The following GRID2 variants were observed in gnomAD, a reference collection of about 807,000 sequenced individuals.
The protein encoded by GRID2 is glutamate receptor ionotropic, delta-2.
In GRID2, 33 loss-of-function variants were observed where a neutral mutation model predicts 114.8. The observed-to-expected ratio is 0.29, with a 90% CI of 0.22 to 0.38. GRID2 has a LOEUF of 0.38. GRID2 is among the 10% of genes least tolerant of loss of function. GRID2 has a pLI of 1.00. For missense variants in GRID2, 1,184 were observed against 1,257.7 expected, an observed-to-expected ratio of 0.94 and a Z score of 0.89; for synonymous variants, 505 against 449.9, an observed-to-expected ratio of 1.12 and a Z score of -1.55.
chr4:93,201,771 T>C (rs905807679), intron 4 of GRID2, among the ~76,000 whole-genome samples: 2 of 152,210 alleles, frequency 1.3e-5, no homozygotes, highest in Middle Eastern at 6.3e-3. Flanking sequence ...GGTTGTGTTA[T>C]ATTTAGCACA....
At chr4:92,895,928 T>G (rs1412797601) in intron 2 of GRID2, among the ~76,000 whole-genome samples, 1 of 152,184 alleles carries the variant, frequency 6.6e-6, no homozygotes, top group Non-Finnish European at 1.5e-5. Context: ...TTCAAAGTAA[T>G]TATACAACTC....
intron 10 of GRID2, among the ~76,000 whole-genome samples, chr4:93,430,560 G>A (rs1330073985): frequency 3.3e-5 from 5 of 152,242 alleles, no homozygotes; most frequent in African/African-American, 9.6e-5. Flanking sequence ...GGATGCAAGT[G>A]TGAATAAGAC....
intron 8 of GRID2, among the ~76,000 whole-genome samples, chr4:93,370,092 A>G (rs932058362): frequency 6.6e-6 from 1 of 152,014 alleles, no homozygotes; most frequent in Non-Finnish European, 1.5e-5. Context: ...CCTTAGGTTA[A>G]GCCCAATTTA....
chr4:93,423,809 C>T lies in GRID2; in HGVS notation c.1545+841C>T, dbSNP rs142765106. Reference sequence around the variant, plus strand: ...GGCACATAGACATTTATAATTATTACATTTTCCTGATAAATTATTGAATAG... The same window carrying T: ...GGCACATAGACATTTATAATTATTATATTTTCCTGATAAATTATTGAATAG... On this transcript the variant is annotated intron_variant, in intron 10 of 15. Transcript: ENST00000282020. Among the ~76,000 whole-genome samples, 1,055 of 152,158 alleles carry T rather than the reference C, an allele frequency of 6.9e-3. 10 individuals are homozygous for T. The highest frequency in any genetic ancestry group is 0.024 in the African/African-American group (1,012 of 41,532).
At chr4:93,015,233 A>C (rs1437428816) in intron 2 of GRID2, among the ~76,000 whole-genome samples, 3 of 152,130 alleles carry the variant, frequency 2.0e-5, no homozygotes, top group Non-Finnish European at 4.4e-5. Context: ...TGGGCCAAAA[A>C]TGGAACTCTG....
At chr4:93,710,581 G>C (rs2110165464) in intron 14 of GRID2, among the ~76,000 whole-genome samples, 1 of 152,236 alleles carries the variant, frequency 6.6e-6, no homozygotes, top group Non-Finnish European at 1.5e-5. Context: ...CTATTATCTG[G>C]CTACAACTAA....
intron 2 of GRID2, among the ~76,000 whole-genome samples, chr4:92,918,631 C>A (rs186881837): frequency 1.1e-4 from 16 of 152,274 alleles, no homozygotes; most frequent in African/African-American, 3.8e-4. Context: ...GTCGTTGGTT[C>A]TGCTTATATG....
chr4:93,321,747 G>A (rs3890316), intron 8 of GRID2, among the ~76,000 whole-genome samples: 48,600 of 151,392 alleles, frequency 0.32, 8,849 homozygotes, highest in African/African-American at 0.5. Flanking sequence ...TCTTTCAGAT[G>A]GAAGTGACAG....
chr4:92,709,432 A>T (rs1252912535), intron 2 of GRID2, among the ~76,000 whole-genome samples: 1 of 151,958 alleles, frequency 6.6e-6, no homozygotes, highest in African/African-American at 2.4e-5. Context: ...CAGTGTAATG[A>T]TACGCTATTC....
At chr4:93,547,948 G>A (rs1657859668) in intron 13 of GRID2, among the ~76,000 whole-genome samples, 1 of 152,142 alleles carries the variant, frequency 6.6e-6, no homozygotes, top group Non-Finnish European at 1.5e-5. Context: ...AGCCCGAGGT[G>A]GCCAGATCAC....
intron 2 of GRID2, among the ~76,000 whole-genome samples, chr4:92,879,151 A>G (rs1231318392): frequency 6.6e-6 from 1 of 152,150 alleles, no homozygotes; most frequent in Non-Finnish European, 1.5e-5. Context: ...AAAAGATATA[A>G]AATATGGTGA....
chr4:93,368,406 G>GTT (rs10633842), intron 8 of GRID2, among the ~76,000 whole-genome samples: 29,932 of 151,244 alleles, frequency 0.2, 4,492 homozygotes, highest in African/African-American at 0.42. Context: ...AATAACTAAA[G>GTT]TTTTTTTTTA....
intron 2 of GRID2, among the ~76,000 whole-genome samples, chr4:92,820,262 T>C (rs956499727): frequency 3.9e-5 from 6 of 152,140 alleles, no homozygotes; most frequent in Non-Finnish European, 5.9e-5. Context: ...ATTTGGAATA[T>C]GTTGAAAGTC....
chr4:93,242,435 C>T lies in GRID2; in HGVS notation c.1245+3945C>T, dbSNP rs554505573. 2.6e-5 allele frequency among the ~76,000 whole-genome samples: 4 copies of T among 152,062 alleles called. No individual in the cohort carries two copies. The South Asian group carries it at 8.3e-4, about 32-fold the overall frequency. On this transcript the variant is annotated intron_variant, in intron 8 of 15. Transcript: ENST00000282020. ...CTGAATAAATTTAAATTAATGTAGG[C>T]TTGAAGCTTCATCGGGTTATTTTTG...
At chr4:93,430,851 G>T (rs1426344928) in intron 10 of GRID2, among the ~76,000 whole-genome samples, 3 of 152,170 alleles carry the variant, frequency 2.0e-5, no homozygotes, top group African/African-American at 7.2e-5. Flanking sequence ...TAATTATCTA[G>T]GTAAAGAGGG....
chr4:93,792,414 G>A (rs1193582038), intron 1 of GRID2, among the ~76,000 whole-genome samples: 1 of 151,888 alleles, frequency 6.6e-6, no homozygotes, highest in Admixed American at 6.6e-5. Context: ...CTTCTTGGAA[G>A]GCTGGGTTTT....
chr4:92,736,092 T>C (rs1335049258), intron 2 of GRID2, among the ~76,000 whole-genome samples: 2 of 152,044 alleles, frequency 1.3e-5, no homozygotes, highest in Non-Finnish European at 2.9e-5. Context: ...GATATCAAAA[T>C]GGAGAGATTG....
intron 3 of GRID2, among the ~76,000 whole-genome samples, chr4:93,105,614 T>C (rs1732145979): frequency 6.6e-6 from 1 of 152,156 alleles, no homozygotes; most frequent in Non-Finnish European, 1.5e-5. Flanking sequence ...CTCTGGTGGC[T>C]CTAGGGAAGA....
exon 2 of GRID2, chr4:93,809,334 T>C (rs540281052): frequency 6.6e-6 from 1 of 152,248 alleles, no homozygotes; most frequent in South Asian, 2.1e-4. Flanking sequence ...TTCAGTCCTG[T>C]GTAGAAGCTT....
Sources: allele counts gnomAD v4.1 joint callset (sites outside exome capture counted in the v4.1 genomes callset), GRCh38; gene constraint gnomAD v4.1.1; transcripts MANE v1.5; gene names NCBI Gene and HGNC (gene_info 2026-07-23, HGNC 2026-07-21).